The following PHLPP1 variants were observed in gnomAD, a reference collection of about 807,000 sequenced individuals.
PHLPP1 encodes the protein PH domain and leucine rich repeat protein phosphatase 1.
Under a neutral mutation model 117.2 loss-of-function variants are expected in PHLPP1, and 42 were observed. The observed-to-expected ratio is 0.36, with a 90% CI of 0.28 to 0.46. The LOEUF is 0.46. PHLPP1 is among the 20% of genes least tolerant of loss of function. The probability of loss-of-function intolerance (pLI) is 1.00; values close to 1 mark genes in which losing one functional copy is unlikely to be tolerated. For missense variants in PHLPP1, 2,084 were observed against 2,241.9 expected (o/e 0.93, Z 1.42); for synonymous variants, 1,042 against 970.7 (o/e 1.07, Z -1.37).
At chr18:62,890,003 T>C (rs1353330739) in intron 4 of PHLPP1, among the ~76,000 whole-genome samples, 1 of 152,074 alleles carries the variant, frequency 6.6e-6, no homozygotes, top group Non-Finnish European at 1.5e-5. Context: ...ACCTTGCAGC[T>C]CTTGGGAAAG....
At chr18:62,812,240 A>G (rs1309546872) in intron 1 of PHLPP1, among the ~76,000 whole-genome samples, 1 of 151,338 alleles carries the variant, frequency 6.6e-6, no homozygotes, top group African/African-American at 2.4e-5. Context: ...TCCCAAAATC[A>G]TTCATGCTTG....
At position 62,827,195 on chromosome 18, in the gene PHLPP1, T is replaced by A. The variant is rs147759122; in HGVS notation, c.1577-2840T>A. On this transcript the variant is annotated intron_variant, in intron 1 of 16. Coordinates refer to ENST00000262719, the MANE Select transcript of PHLPP1 (RefSeq NM_194449.4). ...GTTTTCAAATCACTCTCTGTTGTTA[T>A]GTTTCTGTCTCAGCTTGAAATGTTT... 5.3e-3 allele frequency among the ~76,000 whole-genome samples: 809 copies of A among 152,342 alleles called. 12 individuals carry two copies. The highest frequency in any genetic ancestry group is 0.018 in the African/African-American group (761 of 41,572).
At chr18:62,829,912 G>A in intron 1 of PHLPP1, 123 bp from the exon 2 acceptor site, 1 of 615,388 alleles carries the variant, frequency 1.6e-6, no homozygotes, top group Middle Eastern at 4.5e-4. Flanking sequence ...TTATAAATTA[G>A]ATTGAATTTA....
intron 12 of PHLPP1, among the ~76,000 whole-genome samples, chr18:62,958,332 A>AT (rs1910677319): frequency 6.6e-6 from 1 of 152,336 alleles, no homozygotes; most frequent in South Asian, 2.1e-4. Context: ...ATCTATTAGG[A>AT]TTTTTTAGTT....
chr18:62,845,384 A>T (rs559807656), intron 3 of PHLPP1, among the ~76,000 whole-genome samples: 2 of 152,278 alleles, frequency 1.3e-5, no homozygotes, highest in South Asian at 2.1e-4. Context: ...AGTGTAGGCA[A>T]ATCGGAGCCA....
chr18:62,799,077 A>C (rs1913705287), intron 1 of PHLPP1, among the ~76,000 whole-genome samples: 2 of 152,108 alleles, frequency 1.3e-5, no homozygotes, highest in South Asian at 4.1e-4. Context: ...AATATTCTCT[A>C]CTGAATGGAG....
intron 12 of PHLPP1, among the ~76,000 whole-genome samples, chr18:62,957,656 C>T (rs1440760456): frequency 2.7e-5 from 4 of 150,544 alleles, no homozygotes; most frequent in African/African-American, 9.7e-5. Flanking sequence ...GGGTCTTGCT[C>T]TGTCGCCCAG....
intron 7 of PHLPP1, among the ~76,000 whole-genome samples, chr18:62,904,896 G>A (rs1599113053): frequency 6.6e-6 from 1 of 152,148 alleles, no homozygotes; most frequent in Non-Finnish European, 1.5e-5. Flanking sequence ...TTTTATGGAA[G>A]GACCCTTGGG....
chr18:62,894,560 A>G lies in PHLPP1; in HGVS notation c.2067-451A>G, dbSNP rs577112703. On this transcript the variant is annotated intron_variant, in intron 4 of 16. Transcript: ENST00000262719. ...TTACCTTAGAGAGAGTATTGTTTTG[A>G]TAAGTTTTTATTATTTCAGTTTTGG... is the stretch of plus-strand genomic sequence containing the variant. Among the ~76,000 whole-genome samples, 41 of 152,274 alleles carry G rather than the reference A, an allele frequency of 2.7e-4. 1 individual carries two copies. In the East Asian group the frequency reaches 7.7e-3, roughly 29 times the overall value.
intron 6 of PHLPP1, among the ~76,000 whole-genome samples, chr18:62,898,810 A>ATTG (rs1167435904): frequency 1.3e-5 from 2 of 151,738 alleles, no homozygotes; most frequent in Non-Finnish European, 2.9e-5. Flanking sequence ...TATTATTATT[A>ATTG]TTATTTTTTG....
intron 1 of PHLPP1, among the ~76,000 whole-genome samples, chr18:62,789,791 A>T (rs1343167298): frequency 2.0e-5 from 3 of 152,236 alleles, no homozygotes; most frequent in Non-Finnish European, 4.4e-5. Flanking sequence ...TCAAGGCCGC[A>T]CCCGAGACCA....
intron 4 of PHLPP1, among the ~76,000 whole-genome samples, chr18:62,877,959 G>C (rs575247348): frequency 6.6e-6 from 1 of 152,312 alleles, no homozygotes; most frequent in African/African-American, 2.4e-5. Context: ...GATAGTTTAA[G>C]ATGTTCTTTA....
chr18:62,959,227 G>C (rs564357197), intron 13 of PHLPP1, among the ~76,000 whole-genome samples: 2 of 152,140 alleles, frequency 1.3e-5, no homozygotes, highest in Non-Finnish European at 2.9e-5. Flanking sequence ...TAATGAGAAT[G>C]TTCATCATGG....
chr18:62,747,483 TACCTTCCCTCCTCTCCC>T lies in PHLPP1; in HGVS notation c.1576+30242_1576+30258del, dbSNP rs1209543912. Among the ~76,000 whole-genome samples, 171 of 151,708 alleles carry T rather than the reference TACCTTCCCTCCTCTCCC, an allele frequency of 1.1e-3. 1 individual carries two copies. The highest frequency in any genetic ancestry group is 3.9e-3 in the African/African-American group (162 of 41,370). Reference sequence around the variant, plus strand: ...TTCCCTTTCCTCCTCTTACCTTTCCTACCTTCCCTCCTCTCCCACCTTCCCTCCTCTCCCCTCCCCTT... The same window carrying T: ...TTCCCTTTCCTCCTCTTACCTTTCCTACCTTCCCTCCTCTCCCCTCCCCTT... On this transcript the variant is annotated intron_variant, in intron 1 of 16. Coordinates refer to ENST00000262719, the MANE Select transcript of PHLPP1 (RefSeq NM_194449.4).
chr18:62,790,704 G>C (rs1458765920), intron 1 of PHLPP1, among the ~76,000 whole-genome samples: 1 of 152,162 alleles, frequency 6.6e-6, no homozygotes, highest in Admixed American at 6.5e-5. Flanking sequence ...CATGCATGCT[G>C]GTGGTGGTAT....
chr18:62,935,277 A>G (rs1372203899), intron 10 of PHLPP1, among the ~76,000 whole-genome samples: 2 of 152,230 alleles, frequency 1.3e-5, no homozygotes, highest in Non-Finnish European at 2.9e-5. Context: ...TGAAAATCCC[A>G]TTTAAAATAG....
At position 62,894,994 on chromosome 18, in the gene PHLPP1, T is replaced by TTGC. The variant is rs766619854; in HGVS notation, c.2067-15_2067-13dup. 6.4e-7 allele frequency: 1 copy of TTGC among 1,574,162 alleles called. No homozygotes were observed. The highest frequency in any genetic ancestry group is 8.7e-7 in the Non-Finnish European group (1 of 1,154,152). On this transcript the variant is annotated splice_polypyrimidine_tract_variant and intron_variant, in intron 4 of 16. Transcript: ENST00000262719. ...ATTTGTCTCTTTTTTCCCTTTTGTT[T>TTGC]TGCTTTATTGTAATAGGTTCACCAA...
At chr18:62,865,166 A>G (rs1451999246) in intron 4 of PHLPP1, among the ~76,000 whole-genome samples, 1 of 152,144 alleles carries the variant, frequency 6.6e-6, no homozygotes, top group African/African-American at 2.4e-5. Context: ...CTATAAAGAA[A>G]AATTTAAAAA....
chr18:62,768,464 TAA>T (rs959512589), intron 1 of PHLPP1, among the ~76,000 whole-genome samples: 1 of 152,186 alleles, frequency 6.6e-6, no homozygotes, highest in Non-Finnish European at 1.5e-5. Flanking sequence ...CTCTGGAATA[TAA>T]GTTTAAAAAT....
Sources: gnomAD v4.1 joint callset for allele counts (sites outside exome capture counted in the v4.1 genomes callset) on GRCh38, gnomAD v4.1.1 for gene constraint, MANE v1.5 for transcripts, NCBI Gene and HGNC (gene_info 2026-07-23, HGNC 2026-07-21) for gene names.